Variants in SCYL2 observed in about 807,000 individuals in gnomAD.
The protein encoded by SCYL2 is SCY1 like pseudokinase 2, also known as SCY1-like protein 2.
SCYL2 carries 36 observed loss-of-function variants against 100.4 expected under a neutral mutation model. The observed-to-expected ratio is 0.36, with a 90% CI of 0.27 to 0.47. The LOEUF (loss-of-function observed/expected upper bound fraction) is 0.47. Ranked by LOEUF, SCYL2 falls within the 20% of genes least tolerant of loss-of-function variation. The probability of loss-of-function intolerance (pLI) is 1.00; values close to 1 mark genes in which losing one functional copy is unlikely to be tolerated. For synonymous variants in SCYL2, 330 were observed against 359.2 expected, an observed-to-expected ratio of 0.92 and a Z score of 0.92; for missense variants, 902 against 1,083.9, an observed-to-expected ratio of 0.83 and a Z score of 2.36.
intron 6 of SCYL2, 137 bp from the exon 7 acceptor site, chr12:100,313,285 A>G (rs1225066444): frequency 4.6e-6 from 2 of 430,180 alleles, no homozygotes; most frequent in African/African-American, 2.0e-5. Context: ...TTTTGCAACA[A>G]TAGAATTAAC....
At chr12:100,291,767 T>G in intron 3 of SCYL2, 107 bp downstream of exon 3, 1 of 1,088,914 alleles carries the variant, frequency 9.2e-7, no homozygotes, top group South Asian at 1.6e-5. Context: ...ATTCTTATAC[T>G]CTAAGTGTTG....
At position 100,340,683 on chromosome 12, in the gene SCYL2, AGGG is replaced by A. The variant is rs1952342186; in HGVS notation, c.*1512_*1514del. On this transcript the variant is annotated 3_prime_UTR_variant, in exon 18 of 18. Transcript: ENST00000360820. ...TTATTGCTGGCAGCATTCAGTTAAG[AGGG>A]TACTTTAAAAAATAGAAGTCAGCTT... 3 of 152,098 alleles carry A rather than the reference AGGG, an allele frequency of 2.0e-5. No individual in the cohort carries two copies. The allele number at this position is 152,098 out of a possible 1,614,324, so 9.4% of individuals were successfully genotyped here.
chr12:100,310,945 T>C, intron 4 of SCYL2, 99 bp from the exon 5 acceptor site: 2 of 1,205,774 alleles, frequency 1.7e-6, no homozygotes, highest in African/African-American at 3.1e-5. Context: ...CGCAAAACTT[T>C]TATTGTGAAG....
chr12:100,268,174 G>A (rs2096281804), intron 1 of SCYL2, among the ~76,000 whole-genome samples: 1 of 152,200 alleles, frequency 6.6e-6, no homozygotes, highest in African/African-American at 2.4e-5. Flanking sequence ...TCATTGGAAG[G>A]TGTCAACTAT....
chr12:100,306,424 G>T (rs2096334485), intron 4 of SCYL2, among the ~76,000 whole-genome samples: 1 of 152,138 alleles, frequency 6.6e-6, no homozygotes, highest in Non-Finnish European at 1.5e-5. Context: ...ATCAATAGTT[G>T]CAGAAAAGGC....
rs1220343306 is a variant in SCYL2 at position 100,339,438 on chromosome 12, GA to G, written c.*269del. ...CCTTCCCAATCTCAAAGAGAAAAAG[GA>G]AACTGAGTTATCTTGAATAACATAA... On this transcript the variant is annotated 3_prime_UTR_variant, in exon 18 of 18. Transcript: ENST00000360820. The G allele has an allele frequency of 9.7e-6, 4 of 410,280 alleles. No homozygotes were observed. The highest frequency in any genetic ancestry group is 1.7e-5 in the Non-Finnish European group (4 of 229,716). 25.4% of individuals were successfully genotyped at this position (410,280 alleles called of 1,614,324 possible).
At position 100,340,298 on chromosome 12, in the gene SCYL2, G is replaced by T. The variant is rs1229263411; in HGVS notation, c.*1126G>T. On this transcript the variant is annotated 3_prime_UTR_variant, in exon 18 of 18. Coordinates refer to ENST00000360820, the MANE Select transcript of SCYL2 (RefSeq NM_017988.6). The stretch of plus-strand genomic sequence containing the variant: ...CTATTAGCCATTTTTAGGAAGGAAA[G>T]AATCAATTCTCTTAACAGGAAACAT... 6.6e-6 allele frequency: 1 copy of T among 152,298 alleles called. No homozygotes were observed. The highest frequency in any genetic ancestry group is 2.4e-5 in the African/African-American group (1 of 41,440). The allele number at this position is 152,298 out of a possible 1,614,324, so 9.4% of individuals were successfully genotyped here. A position where few individuals can be genotyped will look rare whatever the true frequency, so the allele number is the denominator to read the frequency against.
chr12:100,329,891 G>A (rs1383157535), intron 13 of SCYL2, among the ~76,000 whole-genome samples: 1 of 152,198 alleles, frequency 6.6e-6, no homozygotes, highest in East Asian at 1.9e-4. Flanking sequence ...GCTATTAGCT[G>A]GATGCCACTG....
chr12:100,297,558 G>A (rs553591796), intron 3 of SCYL2, among the ~76,000 whole-genome samples: 2 of 152,316 alleles, frequency 1.3e-5, no homozygotes, highest in African/African-American at 4.8e-5. Flanking sequence ...GGAGCTAGCT[G>A]TGCCTTGTCT....
At chr12:100,296,560 C>T (rs1220600404) in intron 3 of SCYL2, among the ~76,000 whole-genome samples, 1 of 152,020 alleles carries the variant, frequency 6.6e-6, no homozygotes, top group Non-Finnish European at 1.5e-5. Context: ...GGAAAAAGAA[C>T]CTGCTAACAC....
chr12:100,298,035 T>A lies in SCYL2; in HGVS notation c.340T>A (p.Cys114Ser). ...ACTTTTTCTTTTTTAAAACAGGGATTGCTTGGCATTTTGTACAGAACCAGT... is the reference window on the plus strand; with the variant it reads ...ACTTTTTCTTTTTTAAAACAGGGATAGCTTGGCATTTTGTACAGAACCAGT... ...VQHPLEESRDCLAFCTEPVFA... is the reference protein window; with the variant it reads ...VQHPLEESRDSLAFCTEPVFA... The change falls in exon 4 of 18, where the codon TGC (cysteine) becomes AGC (serine). Residue 114 changes from cysteine to serine, a missense_variant. Cys to Ser is a moderately radical substitution (Grantham distance 112, BLOSUM62 -1). Transcript: ENST00000360820. The A allele has an allele frequency of 6.2e-7, 1 of 1,604,910 alleles. No homozygotes were observed.
intron 10 of SCYL2, among the ~76,000 whole-genome samples, chr12:100,320,858 C>G (rs923857262): frequency 6.6e-6 from 1 of 152,166 alleles, no homozygotes; most frequent in Admixed American, 6.5e-5. Flanking sequence ...GTCCCACTGA[C>G]TGCTTACACT....
intron 12 of SCYL2, chr12:100,327,113 TTTCTCTGCGTTATG>T: frequency 3.1e-6 from 1 of 317,678 alleles, no homozygotes; most frequent in South Asian, 2.7e-5. Flanking sequence ...GGCAAAGTAT[TTTCTCTGCGTTATG>T]TTATTTTATT....
rs1489098087 is a variant in SCYL2 at position 100,298,146 on chromosome 12, G to T, written c.451G>T (p.Asp151Tyr). Residue 151 changes from aspartate (D) to tyrosine (Y), a missense_variant, in exon 4 of 18, where the codon GAT becomes TAT. Coordinates refer to ENST00000360820, the MANE Select transcript of SCYL2 (RefSeq NM_017988.6). ...AGACATTAAGGATTATAAACTTTATGATGTAGAAACCAAATATGGTTTGCT... is the reference window on the plus strand; with the variant it reads ...AGACATTAAGGATTATAAACTTTATTATGTAGAAACCAAATATGGTTTGCT... ...SPDIKDYKLYDVETKYGLLQV... is the reference protein window; with the variant it reads ...SPDIKDYKLYYVETKYGLLQV... The T allele has an allele frequency of 6.3e-7, 1 of 1,579,766 alleles. No homozygotes were observed. The highest frequency in any genetic ancestry group is 1.8e-5 in the Admixed American group (1 of 54,122).
At chr12:100,295,258 C>T (rs1336023956) in intron 3 of SCYL2, among the ~76,000 whole-genome samples, 6 of 148,924 alleles carry the variant, frequency 4.0e-5, no homozygotes, top group African/African-American at 7.5e-5. Context: ...AGACGATGGG[C>T]GGCCAGGCAG....
intron 8 of SCYL2, 126 bp downstream of exon 8, chr12:100,314,740 A>G: frequency 1.1e-6 from 1 of 948,356 alleles, no homozygotes; most frequent in Non-Finnish European, 1.5e-6. Flanking sequence ...TGACTATAAA[A>G]CACTGCCAAC....
In SCYL2 at chr12:100,335,990, T is replaced by C. The variant is rs1952272306; in HGVS notation, c.2025+84T>C. The C allele has an allele frequency of 5.3e-6, 5 of 946,028 alleles. No homozygotes were observed. In the East Asian group the frequency reaches 9.7e-5, roughly 18 times the overall value. The allele number at this position is 946,028 out of a possible 1,614,324, so 58.6% of individuals were successfully genotyped here. On this transcript the variant is annotated intron_variant, in intron 16 of 17. Coordinates refer to ENST00000360820, the MANE Select transcript of SCYL2 (RefSeq NM_017988.6). ...ACCACAGATTTTTGTTGGGAAATAC[T>C]GTTCAGCAGCTTAACAAGAAACATT...
chr12:100,338,404 A>T, intron 17 of SCYL2, 124 bp from the exon 18 acceptor site: 1 of 751,428 alleles, frequency 1.3e-6, no homozygotes, highest in Non-Finnish European at 2.0e-6. Flanking sequence ...ATAGTTTGCT[A>T]ATTTGGTGTA....
At chr12:100,304,558 C>T (rs771574522) in intron 4 of SCYL2, among the ~76,000 whole-genome samples, 1 of 152,196 alleles carries the variant, frequency 6.6e-6, no homozygotes, top group Non-Finnish European at 1.5e-5. Flanking sequence ...TGAAGCCACA[C>T]TGTGCTTCAG....
Sources: allele counts gnomAD v4.1 joint callset (sites outside exome capture counted in the v4.1 genomes callset), GRCh38; gene constraint gnomAD v4.1.1; transcripts MANE v1.5; gene names NCBI Gene and HGNC (gene_info 2026-07-23, HGNC 2026-07-21).